Variants in SMARCAL1 observed in about 807,000 individuals in gnomAD.
The protein encoded by SMARCAL1 is SNF2 related chromatin remodeling annealing helicase 1.
Under a neutral mutation model 94.5 loss-of-function variants are expected in SMARCAL1, and 58 were observed. That is an observed-to-expected ratio of 0.61 (90% CI 0.50 to 0.76). SMARCAL1 has a LOEUF of 0.76. Among genes scored for constraint, SMARCAL1 ranks in the 30% least tolerant of loss-of-function variants. SMARCAL1 has a pLI of 0.00. For synonymous variants in SMARCAL1, 422 were observed against 455.1 expected (o/e 0.93, Z 0.93); for missense variants, 1,051 against 1,177.9 (o/e 0.89, Z 1.58).
chr2:216,418,888 A>G (rs1367665758), intron 4 of SMARCAL1, among the ~76,000 whole-genome samples: 1 of 152,216 alleles, frequency 6.6e-6, no homozygotes, highest in African/African-American at 2.4e-5. Context: ...CCTTCAAGAA[A>G]TGGTTTCGTG....
chr2:216,419,659 T>C (rs1338348391), intron 4 of SMARCAL1, among the ~76,000 whole-genome samples: 1 of 152,106 alleles, frequency 6.6e-6, no homozygotes, highest in African/African-American at 2.4e-5. Context: ...TGCCAGAAAT[T>C]ATCTAATAAG....
chr2:216,416,053 C>T (rs563114551), intron 3 of SMARCAL1: 63 of 540,694 alleles, frequency 1.2e-4, no homozygotes, highest in African/African-American at 9.1e-4. Flanking sequence ...CTTCCCAGGG[C>T]CTGAGTTGGA....
intron 12 of SMARCAL1, among the ~76,000 whole-genome samples, chr2:216,463,777 T>C (rs1694763083): frequency 6.6e-6 from 1 of 152,160 alleles, no homozygotes; most frequent in Non-Finnish European, 1.5e-5. Flanking sequence ...GTGCGGTGAC[T>C]CATGCCTGTA....
At chr2:216,455,087 G>A (rs1318665444) in intron 12 of SMARCAL1, among the ~76,000 whole-genome samples, 4 of 152,192 alleles carry the variant, frequency 2.6e-5, no homozygotes, top group Admixed American at 6.5e-5. Context: ...CCACGCCCAC[G>A]GAGGCTCGCT....
At chr2:216,417,320 G>A (rs1451900802) in intron 4 of SMARCAL1, among the ~76,000 whole-genome samples, 1 of 152,172 alleles carries the variant, frequency 6.6e-6, no homozygotes, top group African/African-American at 2.4e-5. Context: ...GGGCTGCCGT[G>A]ACAAAGTACC....
Position 216,415,618 on chromosome 2 carries a change from A to G in SMARCAL1, c.811+103A>G, listed in dbSNP as rs139574584. On this transcript the variant is annotated intron_variant, in intron 3 of 17. Transcript: ENST00000357276. ...AAATATTAAGAGAGTGCATTGGCAC[A>G]TGCTGTCCATCCAGTTGTTAAAAAT... 1.9e-3 allele frequency: 2,026 copies of G among 1,071,654 alleles called. 16 individuals are homozygous for G. In the African/African-American group the frequency reaches 0.028, roughly 15 times the overall value. 66.4% of individuals were successfully genotyped at this position (1,071,654 alleles called of 1,614,324 possible).
chr2:216,454,334 A>T (rs1694511539), intron 12 of SMARCAL1, among the ~76,000 whole-genome samples: 1 of 152,212 alleles, frequency 6.6e-6, no homozygotes, highest in African/African-American at 2.4e-5. Context: ...TATTGTATAA[A>T]ATCTGAAAAA....
chr2:216,438,652 T>C (rs1694130711), intron 10 of SMARCAL1, among the ~76,000 whole-genome samples, 167 bp downstream of exon 10: 2 of 152,172 alleles, frequency 1.3e-5, no homozygotes, highest in African/African-American at 4.8e-5. Context: ...AGGGCTGTGG[T>C]ACCAATTTCA....
At chr2:216,425,688 G>A (rs1693818801) in intron 6 of SMARCAL1, among the ~76,000 whole-genome samples, 1 of 152,206 alleles carries the variant, frequency 6.6e-6, no homozygotes, top group South Asian at 2.1e-4. Context: ...GTTTTATTGA[G>A]CAACAGAACA....
rs367557310 is a variant in SMARCAL1 at position 216,432,823 on chromosome 2, G to A, written c.1440G>A (p.Pro480=). The part of the protein sequence containing the change: ...CIAAFYRKEW[P]LLVVVPSSVR... Reference sequence around the variant, plus strand: ...CAGCCTTTTACCGGAAGGAGTGGCCGCTCCTGGTGGTGGTGCCATCCTCCG... The same window carrying A: ...CAGCCTTTTACCGGAAGGAGTGGCCACTCCTGGTGGTGGTGCCATCCTCCG... The change falls in exon 8 of 18, where the codon CCG becomes CCA. Residue 480 remains proline (P), a synonymous_variant. Transcript: ENST00000357276. 4.5e-5 allele frequency: 72 copies of A among 1,614,210 alleles called. No homozygotes were observed. The Admixed American group carries it at 5.3e-4, about 12-fold the overall frequency.
In SMARCAL1 at chr2:216,416,091, C is replaced by A; in HGVS notation, c.812-166C>A. ...CCACTACATGGAATAAAAGAATTAT[C>A]TATATTTACTATTTGTCCTCTACAG... On this transcript the variant is annotated intron_variant, in intron 3 of 17. Transcript: ENST00000357276. The A allele has an allele frequency of 1.2e-5, 8 of 657,580 alleles. No individual in the cohort carries two copies. The South Asian group carries it at 1.2e-4, about 10-fold the overall frequency. 40.7% of individuals were successfully genotyped at this position (657,580 alleles called of 1,614,324 possible).
chr2:216,414,725 G>A lies in SMARCAL1; in HGVS notation c.21G>A (p.Glu7=). 6.2e-7 allele frequency: 1 copy of A among 1,614,166 alleles called. No individual in the cohort carries two copies. The highest frequency in any genetic ancestry group is 8.5e-7 in the Non-Finnish European group (1 of 1,179,996). Reference sequence around the variant, plus strand: ...TGAAAATGTCCTTGCCTCTTACAGAGGAGCAGAGGAAAAAGATTGAAGAGA... The same window carrying A: ...TGAAAATGTCCTTGCCTCTTACAGAAGAGCAGAGGAAAAAGATTGAAGAGA... MSLPLT[E]EQRKKIEENR... The change falls in exon 3 of 18, where the codon GAG becomes GAA. Residue 7 remains glutamate, a synonymous_variant. Transcript: ENST00000357276.
intron 9 of SMARCAL1, among the ~76,000 whole-genome samples, chr2:216,437,667 A>G (rs1193473259): frequency 6.6e-6 from 1 of 152,216 alleles, no homozygotes; most frequent in African/African-American, 2.4e-5. Context: ...CTCTGTACCA[A>G]ACTAGAAAAT....
At chr2:216,480,377 G>A (rs896023334) in intron 17 of SMARCAL1, among the ~76,000 whole-genome samples, 10 of 152,154 alleles carry the variant, frequency 6.6e-5, no homozygotes, top group Non-Finnish European at 1.0e-4. Context: ...CTTGGAACTC[G>A]CTTCCAATTA....
At chr2:216,448,406 G>A (rs1322461414) in intron 11 of SMARCAL1, among the ~76,000 whole-genome samples, 1 of 152,148 alleles carries the variant, frequency 6.6e-6, no homozygotes, top group East Asian at 1.9e-4. Context: ...AGTGATGAAA[G>A]GGGCTAAAGA....
chr2:216,431,915 T>G (rs1693972082), intron 7 of SMARCAL1, among the ~76,000 whole-genome samples: 1 of 152,242 alleles, frequency 6.6e-6, no homozygotes, highest in South Asian at 2.1e-4. Flanking sequence ...TAGCAGCATC[T>G]TCTGTCTTTG....
rs747369571 is a variant in SMARCAL1, at chr2:216,475,640, CAG to C, written c.2427+192_2427+193del. 6.6e-6 allele frequency among the ~76,000 whole-genome samples: 1 copy of C among 151,900 alleles called. No individual in the cohort carries two copies. Among genetic ancestry groups the C allele is most frequent in the Non-Finnish European group, 1.5e-5 (1 of 67,956 alleles). Reference sequence around the variant, plus strand: ...AGTCTCTTTTTTTCTTTTTTTGAGACAGAGTCTCTTATCACCCAGGCTGGAGT... The same window carrying C: ...AGTCTCTTTTTTTCTTTTTTTGAGACAGTCTCTTATCACCCAGGCTGGAGT... On this transcript the variant is annotated intron_variant, in intron 15 of 17. Transcript: ENST00000357276. This position sits in a 1 kb window ranked among gnomAD's most constrained non-coding sequence, Gnocchi z 4.4.
chr2:216,420,465 C>T lies in SMARCAL1; in HGVS notation c.1029C>T (p.Phe343=), dbSNP rs757734409. 9.9e-6 allele frequency: 16 copies of T among 1,614,028 alleles called. No homozygotes were observed. In the East Asian group the frequency reaches 1.6e-4, roughly 16 times the overall value. ...GRCMLISRAY[F]EADISYSQDL... ...GCATGCTCATCTCCAGGGCCTACTT[C>T]GAGGCAGACATCAGTTATTCACAGG... Residue 343 remains phenylalanine, a synonymous_variant, in exon 5 of 18, where the codon TTC becomes TTT. Transcript: ENST00000357276.
At position 216,415,378 on chromosome 2, in the gene SMARCAL1, A is replaced by T. The variant is rs1378058989; in HGVS notation, c.674A>T (p.Lys225Met). The T allele has an allele frequency of 6.2e-7, 1 of 1,614,120 alleles. No individual in the cohort carries two copies. The highest frequency in any genetic ancestry group is 1.7e-5 in the Admixed American group (1 of 60,010). ...TPRTEGRLQQ[K>M]SGSSVQKGVN... is the part of the protein sequence containing the mutation. The stretch of plus-strand genomic sequence containing the variant: ...AGGACAGAAGGAAGACTCCAGCAGA[A>T]GTCAGGGTCCTCAGTCCAAAAAGGA... The change falls in exon 3 of 18, where the codon AAG (lysine) becomes ATG (methionine). Residue 225 changes from lysine (K) to methionine (M), a missense_variant. Lys to Met is a moderately conservative substitution (Grantham distance 95, BLOSUM62 -1). Coordinates refer to ENST00000357276, the MANE Select transcript of SMARCAL1 (RefSeq NM_014140.4).
Sources: allele counts gnomAD v4.1 joint callset (sites outside exome capture counted in the v4.1 genomes callset), GRCh38; gene constraint gnomAD v4.1.1; non-coding constraint Gnocchi (gnomAD v3.1); transcripts MANE v1.5; gene names NCBI Gene and HGNC (gene_info 2026-07-23, HGNC 2026-07-21).